The following GJD4 variants were observed in gnomAD, a reference collection of about 807,000 sequenced individuals.
The protein encoded by GJD4 is gap junction protein delta 4.
GJD4 carries 18 observed loss-of-function variants against 17.9 expected under a neutral mutation model. That is an observed-to-expected ratio of 1.00 (90% CI 0.69 to 1.49). The LOEUF is 1.49. Ranked by LOEUF, GJD4 falls within the 40% of genes most tolerant of loss-of-function variation. The probability of loss-of-function intolerance (pLI) is 0.00; values close to 1 mark genes in which losing one functional copy is unlikely to be tolerated. For synonymous variants in GJD4, 293 were observed against 236.8 expected (o/e 1.24, Z -2.18); for missense variants, 639 against 506.9 (o/e 1.26, Z -2.50).
In GJD4 at chr10:35,605,600, C is replaced by T. The variant is rs1835444436; in HGVS notation, c.33C>T (p.Ile11=). Reference sequence around the variant, plus strand: ...GCGTGGACTTGCTAGGGTTTCTCATCATCACATTAAACTGCAACGTGACCA... The same window carrying T: ...GCGTGGACTTGCTAGGGTTTCTCATTATCACATTAAACTGCAACGTGACCA... MEGVDLLGFL[I]ITLNCNVTMV... Residue 11 remains isoleucine, a synonymous_variant, in exon 1 of 2, where the codon ATC becomes ATT. Coordinates refer to ENST00000321660, the MANE Select transcript of GJD4 (RefSeq NM_153368.3). The T allele has an allele frequency of 6.2e-7, 1 of 1,614,040 alleles. No homozygotes were observed. Among genetic ancestry groups the T allele is most frequent in the Non-Finnish European group, 8.5e-7 (1 of 1,179,886 alleles).
intron 1 of GJD4, chr10:35,607,312 G>T: frequency 1.9e-6 from 1 of 514,418 alleles, no homozygotes; most frequent in East Asian, 3.4e-5. Context: ...GCTGACAGGT[G>T]TGGTGGCTCA....
At position 35,605,382 on chromosome 10, in the gene GJD4, C is replaced by T. The variant is rs898169136; in HGVS notation, c.-186C>T. ...AGGAATGTTTCGCCTCAGAGGCAAA[C>T]GGCTTAGGGCCGTCTCAACTTGGAG... On this transcript the variant is annotated 5_prime_UTR_variant, in exon 1 of 2. The change creates a new upstream start codon in the 5' untranslated region. Coordinates refer to ENST00000321660, the MANE Select transcript of GJD4 (RefSeq NM_153368.3). The T allele has an allele frequency of 1.4e-5, 9 of 629,868 alleles. 1 individual carries two copies. Among genetic ancestry groups the T allele is most frequent in the Middle Eastern group, 4.1e-4 (1 of 2,444 alleles). 39.0% of individuals were successfully genotyped at this position (629,868 alleles called of 1,614,324 possible). A position where few individuals can be genotyped will look rare whatever the true frequency, so the allele number is the denominator to read the frequency against.
In GJD4 at chr10:35,608,293, G is replaced by C; in HGVS notation, c.780G>C (p.Glu260Asp). ...ACGAGGAGGGTGGGCGGGAGGAAGAGGGGGCACCGGCGCCCCCGGGTGCAC... is the reference window on the plus strand; with the variant it reads ...ACGAGGAGGGTGGGCGGGAGGAAGACGGGGCACCGGCGCCCCCGGGTGCAC... ...RTDEEGGREE[E>D]GAPAPPGARA... is the part of the protein sequence containing the mutation. The change falls in exon 2 of 2, where the codon GAG becomes GAC. Residue 260 changes from glutamate to aspartate, a missense_variant. Glu to Asp is a conservative substitution (Grantham distance 45). Transcript: ENST00000321660. 3 of 1,552,980 alleles carry C rather than the reference G, an allele frequency of 1.9e-6. No individual in the cohort carries two copies. The highest frequency in any genetic ancestry group is 2.6e-6 in the Non-Finnish European group (3 of 1,152,186).
chr10:35,608,654 G>C lies in GJD4; in HGVS notation c.*28G>C. ...AAAACAGCACCTGGCGGTGCCCCGGGGCTCACGCCTGTAATCCCAACACTT... is the reference window on the plus strand; with the variant it reads ...AAAACAGCACCTGGCGGTGCCCCGGCGCTCACGCCTGTAATCCCAACACTT... On this transcript the variant is annotated 3_prime_UTR_variant, in exon 2 of 2. Transcript: ENST00000321660. 1 of 1,441,370 alleles carries C rather than the reference G, an allele frequency of 6.9e-7. No homozygotes were observed. Among genetic ancestry groups the C allele is most frequent in the Non-Finnish European group, 9.2e-7 (1 of 1,091,814 alleles). The allele number at this position is 1,441,370 out of a possible 1,614,324, so 89.3% of individuals were successfully genotyped here.
At position 35,608,432 on chromosome 10, in the gene GJD4, G is replaced by A; in HGVS notation, c.919G>A (p.Gly307Ser). ...EVTSSASEKL[G>S]RQPRGRPHRE... ...GACATCCTCCGCCAGCGAAAAGCTG[G>A]GCAGACAGCCCCGGGGCAGGCCCCA... Residue 307 changes from glycine to serine, a missense_variant, in exon 2 of 2, where the codon GGC becomes AGC. Coordinates refer to ENST00000321660, the MANE Select transcript of GJD4 (RefSeq NM_153368.3). The A allele has an allele frequency of 6.5e-7, 1 of 1,549,166 alleles. No homozygotes were observed. The highest frequency in any genetic ancestry group is 8.7e-7 in the Non-Finnish European group (1 of 1,146,914).
Position 35,608,208 on chromosome 10 carries a change from C to A in GJD4, c.695C>A (p.Thr232Lys). The A allele has an allele frequency of 1.3e-6, 2 of 1,589,116 alleles. No homozygotes were observed. Among genetic ancestry groups the A allele is most frequent in the Middle Eastern group, 1.7e-4 (1 of 6,038 alleles). ...ATGCGCAGGAGGCCGGGACCCCCCA[C>A]AAGCCCCTCCATCCGGAAGCAGAGC... ...RRMRRRPGPPTSPSIRKQSGA... is the reference protein window; with the variant it reads ...RRMRRRPGPPKSPSIRKQSGA... Residue 232 changes from threonine (T) to lysine (K), a missense_variant, in exon 2 of 2, where the codon ACA becomes AAA. Transcript: ENST00000321660.
Position 35,607,832 on chromosome 10 carries a change from G to C in GJD4, c.319G>C (p.Gly107Arg), listed in dbSNP as rs2135488138. The C allele has an allele frequency of 6.3e-7, 1 of 1,593,660 alleles. No homozygotes were observed. The highest frequency in any genetic ancestry group is 1.3e-5 in the African/African-American group (1 of 74,930). The change falls in exon 2 of 2, where the codon GGC (glycine) becomes CGC (arginine). Residue 107 changes from glycine to arginine, a missense_variant. By Grantham distance (125) the Gly-to-Arg change is moderately radical. Transcript: ENST00000321660. ...CCGAGGAGCCACGCTCGCCGCGCTGGGCCCCCGCCGCTGCCCCGACCCCCG... is the reference window on the plus strand; with the variant it reads ...CCGAGGAGCCACGCTCGCCGCGCTGCGCCCCCGCCGCTGCCCCGACCCCCG... ...LHRGATLAAL[G>R]PRRCPDPREP...
At position 35,605,361 on chromosome 10, in the gene GJD4, A is replaced by G. The variant is rs955588400; in HGVS notation, c.-207A>G. On this transcript the variant is annotated 5_prime_UTR_variant, in exon 1 of 2. The change abolishes an upstream ATG in the 5' untranslated region. Transcript: ENST00000321660. Reference sequence around the variant, plus strand: ...CTGCTGGTCACTGCAGTTGTCAGGAATGTTTCGCCTCAGAGGCAAACGGCT... The same window carrying G: ...CTGCTGGTCACTGCAGTTGTCAGGAGTGTTTCGCCTCAGAGGCAAACGGCT... The G allele has an allele frequency of 1.1e-5, 7 of 609,032 alleles. No homozygotes were observed. The highest frequency in any genetic ancestry group is 2.9e-5 in the Admixed American group (1 of 34,250). The allele number at this position is 609,032 out of a possible 1,614,324, so 37.7% of individuals were successfully genotyped here.
rs141850840 is a variant in GJD4, at chr10:35,607,852, C to A, written c.339C>A (p.Asp113Glu). ...LAALGPRRCP[D>E]PREPASGQRR... ...CGCTGGGCCCCCGCCGCTGCCCCGA[C>A]CCCCGGGAGCCGGCCTCCGGGCAGA... Residue 113 changes from aspartate to glutamate, a missense_variant, in exon 2 of 2, where the codon GAC becomes GAA. Transcript: ENST00000321660. 1 of 1,598,922 alleles carries A rather than the reference C, an allele frequency of 6.3e-7. No individual in the cohort carries two copies. Among genetic ancestry groups the A allele is most frequent in the East Asian group, 2.2e-5 (1 of 44,716 alleles).
rs557609570 is a variant in GJD4 at position 35,607,419 on chromosome 10, C to CCAACAA, written c.65-148_65-143dup. 2.4e-4 allele frequency: 151 copies of CCAACAA among 639,606 alleles called. No homozygotes were observed. In the African/African-American group the frequency reaches 2.4e-3, roughly 10 times the overall value. 39.6% of individuals were successfully genotyped at this position (639,606 alleles called of 1,614,324 possible). A position where few individuals can be genotyped will look rare whatever the true frequency, so the allele number is the denominator to read the frequency against. ...TGGGCAATATAGCACGACCCTGTGT[C>CCAACAA]CAACAACAACAACAACGACAACACA... On this transcript the variant is annotated intron_variant, in intron 1 of 1. Coordinates refer to ENST00000321660, the MANE Select transcript of GJD4 (RefSeq NM_153368.3).
intron 1 of GJD4, 157 bp downstream of exon 1, chr10:35,605,788 C>T (rs1178618206): frequency 9.4e-6 from 6 of 635,224 alleles, no homozygotes; most frequent in Non-Finnish European, 1.7e-5. Context: ...CTGTGCCTTT[C>T]TGGAGGGAAG....
chr10:35,608,855 T>C lies in GJD4; in HGVS notation c.*229T>C. 2.3e-6 allele frequency: 1 copy of C among 439,870 alleles called. No homozygotes were observed. The highest frequency in any genetic ancestry group is 4.0e-6 in the Non-Finnish European group (1 of 252,664). 27.2% of individuals were successfully genotyped at this position (439,870 alleles called of 1,614,324 possible). ...TGGGAGGCTGAGATGGGAGGACCAT[T>C]TGAGCCTGGGAGATCGAGGCTGCAG... On this transcript the variant is annotated 3_prime_UTR_variant, in exon 2 of 2. Coordinates refer to ENST00000321660, the MANE Select transcript of GJD4 (RefSeq NM_153368.3).
intron 1 of GJD4, 36 bp from the exon 2 acceptor site, chr10:35,607,542 G>A (rs11595555): frequency 6.9e-7 from 1 of 1,454,900 alleles, no homozygotes. Flanking sequence ...CAGTGTATTC[G>A]GGGTGATGAG....
chr10:35,607,974 A>G lies in GJD4; in HGVS notation c.461A>G (p.Glu154Gly), dbSNP rs1588697715. The G allele has an allele frequency of 1.9e-6, 3 of 1,611,564 alleles. No homozygotes were observed. In the East Asian group the frequency reaches 6.7e-5, roughly 36 times the overall value. ...IIHLLLRTLL[E>G]AAFGALHYFL... is the part of the protein sequence containing the mutation. The stretch of plus-strand genomic sequence containing the variant: ...CACCTCCTCCTCCGGACCCTGCTGG[A>G]GGCAGCCTTCGGGGCCTTGCACTAC... The change falls in exon 2 of 2, where the codon GAG (glutamate) becomes GGG (glycine). Residue 154 changes from glutamate to glycine, a missense_variant. By Grantham distance (98) the Glu-to-Gly change is moderately conservative. Transcript: ENST00000321660.
In GJD4 at chr10:35,607,852, C is replaced by T. The variant is rs141850840; in HGVS notation, c.339C>T (p.Asp113=). ...CGCTGGGCCCCCGCCGCTGCCCCGA[C>T]CCCCGGGAGCCGGCCTCCGGGCAGA... ...LAALGPRRCP[D]PREPASGQRR... The change falls in exon 2 of 2, where the codon GAC becomes GAT. Residue 113 remains aspartate, a synonymous_variant. Coordinates refer to ENST00000321660, the MANE Select transcript of GJD4 (RefSeq NM_153368.3). 54 of 1,598,922 alleles carry T rather than the reference C, an allele frequency of 3.4e-5. No homozygotes were observed. The highest frequency in any genetic ancestry group is 2.9e-4 in the African/African-American group (22 of 74,668).
Position 35,607,710 on chromosome 10 carries a change from A to T in GJD4, c.197A>T (p.Tyr66Phe). 1 of 1,614,026 alleles carries T rather than the reference A, an allele frequency of 6.2e-7. No individual in the cohort carries two copies. The highest frequency in any genetic ancestry group is 8.5e-7 in the Non-Finnish European group (1 of 1,180,040). The change falls in exon 2 of 2, where the codon TAC becomes TTC. Residue 66 changes from tyrosine (Y) to phenylalanine (F), a missense_variant. Tyr to Phe is a conservative substitution (Grantham distance 22). Transcript: ENST00000321660. ...CAGCCGGGATGCGCCAATGTTTGCTACGACGTCTTCTCCCCCGTGTCTCAC... is the reference window on the plus strand; with the variant it reads ...CAGCCGGGATGCGCCAATGTTTGCTTCGACGTCTTCTCCCCCGTGTCTCAC... ...TLQPGCANVC[Y>F]DVFSPVSHLR... is the part of the protein sequence containing the mutation.
At position 35,608,371 on chromosome 10, in the gene GJD4, G is replaced by A. The variant is rs1453967235; in HGVS notation, c.858G>A (p.Gly286=). ...GSPRRTSRVS[G]HTKIPDEDES... is the part of the protein sequence containing the mutation. Reference sequence around the variant, plus strand: ...CCAGGCGTACATCCAGGGTGTCAGGGCACACGAAGATTCCGGATGAGGATG... The same window carrying A: ...CCAGGCGTACATCCAGGGTGTCAGGACACACGAAGATTCCGGATGAGGATG... Residue 286 remains glycine (G), a synonymous_variant, in exon 2 of 2, where the codon GGG becomes GGA. Transcript: ENST00000321660. 1 of 1,552,514 alleles carries A rather than the reference G, an allele frequency of 6.4e-7. No homozygotes were observed. Among genetic ancestry groups the A allele is most frequent in the Non-Finnish European group, 8.7e-7 (1 of 1,148,734 alleles).
intron 1 of GJD4, chr10:35,606,604 G>A (rs1004069618): frequency 6.6e-6 from 1 of 152,078 alleles, no homozygotes; most frequent in African/African-American, 2.4e-5. Flanking sequence ...ATCACATAAT[G>A]ATATTATTCT....
intron 1 of GJD4, chr10:35,607,289 TGA>T (rs1835467228): frequency 4.3e-6 from 2 of 465,112 alleles, no homozygotes; most frequent in Non-Finnish European, 3.9e-6. Flanking sequence ...CCTGATGCTG[TGA>T]GTAAAGACAA....
Sources: allele counts gnomAD v4.1 joint callset, GRCh38; gene constraint gnomAD v4.1.1; transcripts MANE v1.5; gene names NCBI Gene and HGNC (gene_info 2026-07-23, HGNC 2026-07-21).